Variants in NPSR1 observed in about 807,000 individuals in gnomAD.
NPSR1 encodes neuropeptide S receptor 1.
A neutral mutation model predicts 46.9 loss-of-function variants in NPSR1; 48 were observed. That is an observed-to-expected ratio of 1.02 (90% CI 0.81 to 1.30). The LOEUF is 1.30. Among genes scored for constraint, NPSR1 ranks in the 50% most tolerant of loss-of-function variants. The pLI is 0.00. For synonymous variants in NPSR1, 176 were observed against 168.1 expected, an observed-to-expected ratio of 1.05 and a Z score of -0.36; for missense variants, 450 against 449.5, an observed-to-expected ratio of 1.00 and a Z score of -0.01.
intron 2 of NPSR1, among the ~76,000 whole-genome samples, chr7:34,707,906 A>C (rs1420885079): frequency 6.6e-6 from 1 of 152,158 alleles, no homozygotes; most frequent in East Asian, 1.9e-4. Flanking sequence ...AGTGTTGGCT[A>C]ATTTTATTTT....
chr7:34,871,384 C>G (rs1201202551), intron 8 of NPSR1: 1 of 151,820 alleles, frequency 6.6e-6, no homozygotes, highest in Non-Finnish European at 1.5e-5. Flanking sequence ...CCATCTCCAA[C>G]ATTGGGGATT....
At position 34,734,170 on chromosome 7, in the gene NPSR1, C is replaced by A. The variant is rs983141744; in HGVS notation, c.281-44292C>A. Among the ~76,000 whole-genome samples the A allele has an allele frequency of 3.9e-5, 6 of 152,104 alleles. No individual in the cohort carries two copies. The East Asian group carries it at 7.7e-4, about 20-fold the overall frequency. On this transcript the variant is annotated intron_variant, in intron 2 of 8. Transcript: ENST00000360581. ...AAAGTTAGGTTCAAATCCAGTGGTCCTCAACTTTAGCTAGATATTAGAGAT... is the reference window on the plus strand; with the variant it reads ...AAAGTTAGGTTCAAATCCAGTGGTCATCAACTTTAGCTAGATATTAGAGAT...
chr7:34,749,869 T>C (rs902115191), intron 2 of NPSR1, among the ~76,000 whole-genome samples: 1 of 152,220 alleles, frequency 6.6e-6, no homozygotes, highest in Non-Finnish European at 1.5e-5. Flanking sequence ...TGACTCTTTC[T>C]GTGTTTGCCC....
chr7:34,864,056 G>A (rs939153633), intron 8 of NPSR1, among the ~76,000 whole-genome samples: 2 of 151,800 alleles, frequency 1.3e-5, no homozygotes, highest in Admixed American at 1.3e-4. Flanking sequence ...AAAAGGATGA[G>A]TTCATGTCCT....
intron 8 of NPSR1, among the ~76,000 whole-genome samples, chr7:34,876,187 G>A (rs1791569772): frequency 1.3e-5 from 2 of 152,150 alleles, no homozygotes; most frequent in Non-Finnish European, 2.9e-5. Context: ...CAGCTTGGAA[G>A]GGAGGAGAGA....
At chr7:34,785,532 A>AATAAT (rs1221779451) in intron 3 of NPSR1, among the ~76,000 whole-genome samples, 1 of 151,498 alleles carries the variant, frequency 6.6e-6, no homozygotes, top group Non-Finnish European at 1.5e-5. Flanking sequence ...AAAGTATAAT[A>AATAAT]AAAAAAGAAA....
chr7:34,867,899 C>T (rs1584158672), intron 8 of NPSR1, among the ~76,000 whole-genome samples: 1 of 151,900 alleles, frequency 6.6e-6, no homozygotes, highest in East Asian at 1.9e-4. Context: ...TAAGGTATGC[C>T]TGCCCTAAAT....
intron 8 of NPSR1, among the ~76,000 whole-genome samples, chr7:34,866,849 T>A (rs1246696049): frequency 6.6e-6 from 1 of 151,872 alleles, no homozygotes; most frequent in Middle Eastern, 3.4e-3. Context: ...GCAAAACCCA[T>A]GCCAAATTGA....
intron 3 of NPSR1, among the ~76,000 whole-genome samples, chr7:34,802,398 C>G (rs1041254155): frequency 5.3e-5 from 8 of 149,980 alleles, no homozygotes; most frequent in African/African-American, 1.5e-4. Flanking sequence ...ACAGAGCCCT[C>G]AGAAATAACG....
rs192581743 is a variant in NPSR1, at chr7:34,681,023, T to A, written c.148-3529T>A. ...CTAAGTAATGTGTATGTATATATAT[T>A]GTGCACTTTTTATGTTGTATATTTT... On this transcript the variant is annotated intron_variant, in intron 1 of 8. Transcript: ENST00000360581. Among the ~76,000 whole-genome samples, 431 of 152,160 alleles carry A rather than the reference T, an allele frequency of 2.8e-3. 7 individuals carry two copies. The highest frequency in any genetic ancestry group is 0.017 in the Middle Eastern group (5 of 294).
chr7:34,831,473 G>A (rs1216239310), intron 5 of NPSR1, among the ~76,000 whole-genome samples: 4 of 151,978 alleles, frequency 2.6e-5, no homozygotes, highest in Admixed American at 6.6e-5. Flanking sequence ...GAAAGGAGGG[G>A]GGAAGAAAGG....
chr7:34,845,244 C>T (rs1790701425), intron 7 of NPSR1, among the ~76,000 whole-genome samples: 1 of 152,236 alleles, frequency 6.6e-6, no homozygotes, highest in Admixed American at 6.5e-5. Flanking sequence ...TAGGACCTAA[C>T]TAGCTGAAGT....
At chr7:34,769,699 T>C (rs1247621240) in intron 2 of NPSR1, among the ~76,000 whole-genome samples, 1 of 152,232 alleles carries the variant, frequency 6.6e-6, no homozygotes, top group African/African-American at 2.4e-5. Flanking sequence ...GCCCCATTCT[T>C]GACTTCTTCC....
chr7:34,781,781 G>C (rs1327424859), intron 3 of NPSR1, among the ~76,000 whole-genome samples: 1 of 152,152 alleles, frequency 6.6e-6, no homozygotes, highest in African/African-American at 2.4e-5. Flanking sequence ...CAGACTGATA[G>C]TCTGACTACA....
chr7:34,833,184 A>G (rs1179644888), intron 5 of NPSR1, among the ~76,000 whole-genome samples: 1 of 152,230 alleles, frequency 6.6e-6, no homozygotes, highest in Non-Finnish European at 1.5e-5. Context: ...ATTTTTTAAA[A>G]TAATTCTCAA....
chr7:34,867,994 G>A (rs1413580856), intron 8 of NPSR1, among the ~76,000 whole-genome samples: 2 of 151,844 alleles, frequency 1.3e-5, no homozygotes, highest in Non-Finnish European at 2.9e-5. Flanking sequence ...AAGTATCTGA[G>A]TCTCCCCAAA....
At chr7:34,783,929 G>A (rs1050633563) in intron 3 of NPSR1, among the ~76,000 whole-genome samples, 2 of 151,918 alleles carry the variant, frequency 1.3e-5, no homozygotes, top group Admixed American at 6.6e-5. Context: ...TAGGAATCAA[G>A]TAGAGAGAAA....
At chr7:34,747,502 A>T (rs1190062432) in intron 2 of NPSR1, among the ~76,000 whole-genome samples, 1 of 152,228 alleles carries the variant, frequency 6.6e-6, no homozygotes, top group Non-Finnish European at 1.5e-5. Flanking sequence ...TGCATTTGGA[A>T]CAAGGAGGCA....
intron 3 of NPSR1, among the ~76,000 whole-genome samples, chr7:34,804,749 A>AT (rs1788605401): frequency 6.6e-6 from 1 of 151,952 alleles, no homozygotes; most frequent in Admixed American, 6.6e-5. Flanking sequence ...TTGTTAATAA[A>AT]TTTGTAATTT....
Sources: gnomAD v4.1 joint callset for allele counts (sites outside exome capture counted in the v4.1 genomes callset) on GRCh38, gnomAD v4.1.1 for gene constraint, MANE v1.5 for transcripts, NCBI Gene and HGNC (gene_info 2026-07-23, HGNC 2026-07-21) for gene names.